The following DNMT3A variants were observed in gnomAD, a reference collection of about 807,000 sequenced individuals.
DNMT3A encodes DNA (cytosine-5)-methyltransferase 3A.
DNMT3A carries 267 observed loss-of-function variants against 117.6 expected under a neutral mutation model. That is an observed-to-expected ratio of 2.27 (90% CI 2.05 to 2.51). The LOEUF (loss-of-function observed/expected upper bound fraction) is 2.51, where lower values mean the gene tolerates loss of function less well. DNMT3A is among the 30% of genes most tolerant of loss of function. DNMT3A has a pLI of 0.00. For synonymous variants in DNMT3A, 432 were observed against 474.8 expected (o/e 0.91, Z 1.17); for missense variants, 1,029 against 1,260.2 (o/e 0.82, Z 2.78).
chr2:25,239,606 G>C (rs1031648624), intron 19 of DNMT3A: 1 of 499,850 alleles, frequency 2.0e-6, no homozygotes, highest in Non-Finnish European at 4.2e-6. Context: ...GCACAGTGCT[G>C]CTCTAGACTA....
intron 1 of DNMT3A, among the ~76,000 whole-genome samples, chr2:25,321,465 G>A (rs921351932): frequency 2.0e-5 from 3 of 152,174 alleles, no homozygotes; most frequent in Non-Finnish European, 4.4e-5. Context: ...AGATAATCCA[G>A]GATAATCCCC....
chr2:25,314,737 A>AGGCCAC (rs199757845), intron 1 of DNMT3A: 11 of 984,514 alleles, frequency 1.1e-5, no homozygotes, highest in African/African-American at 1.1e-4. Context: ...TAGGAGGGAG[A>AGGCCAC]GGCCACGGCC....
At chr2:25,238,327 T>C (rs923129043) in intron 20 of DNMT3A, among the ~76,000 whole-genome samples, 9 of 152,054 alleles carry the variant, frequency 5.9e-5, no homozygotes, top group Non-Finnish European at 7.4e-5. Context: ...TACAACCTCA[T>C]GGGAATAGCA....
In DNMT3A at chr2:25,282,586, T is replaced by A; in HGVS notation, c.303A>T (p.Pro101=). ...GCCCCCCAGCAGGGCTCCCCTCCTC[T>A]GGCTGGGGCTCACTCCGCTTCTCCA... ...GDLEKRSEPQ[P]EEGSPAGGQK... Residue 101 remains proline (P), a synonymous_variant, in exon 4 of 23, where the codon CCA becomes CCT. Transcript: ENST00000321117. The surrounding 1 kb of genome is among the most constrained non-coding windows in gnomAD (Gnocchi z 5.2). The A allele has an allele frequency of 6.2e-7, 1 of 1,613,650 alleles. No individual in the cohort carries two copies. The highest frequency in any genetic ancestry group is 8.5e-7 in the Non-Finnish European group (1 of 1,180,004).
At chr2:25,312,985 G>A (rs1030823980) in intron 2 of DNMT3A, among the ~76,000 whole-genome samples, 1 of 152,216 alleles carries the variant, frequency 6.6e-6, no homozygotes, top group African/African-American at 2.4e-5. Context: ...GCAGGCAGGG[G>A]GAACTGTGGA....
chr2:25,258,290 C>G (rs1222995795), intron 6 of DNMT3A, among the ~76,000 whole-genome samples: 1 of 152,240 alleles, frequency 6.6e-6, no homozygotes, highest in Non-Finnish European at 1.5e-5. Flanking sequence ...CGGCCCTGCC[C>G]CAGAACCTCC....
intron 1 of DNMT3A, among the ~76,000 whole-genome samples, chr2:25,325,967 G>A (rs557747312): frequency 6.6e-5 from 10 of 152,324 alleles, no homozygotes; most frequent in Admixed American, 2.6e-4. Flanking sequence ...ACCTGCTAAG[G>A]CTCTGGCTGA....
intron 22 of DNMT3A, among the ~76,000 whole-genome samples, chr2:25,235,483 C>T (rs1205199799): frequency 6.6e-6 from 1 of 152,154 alleles, no homozygotes; most frequent in Non-Finnish European, 1.5e-5. Flanking sequence ...CTGCTCCTGG[C>T]CCCTAGACTC....
intron 20 of DNMT3A, 54 bp downstream of exon 20, chr2:25,239,076 A>G: frequency 6.4e-7 from 1 of 1,554,004 alleles, no homozygotes; most frequent in Non-Finnish European, 8.8e-7. Flanking sequence ...ACTATGGGTC[A>G]TCCCACCTGC....
chr2:25,310,351 A>G (rs1243818619), intron 2 of DNMT3A, among the ~76,000 whole-genome samples: 7 of 107,558 alleles, frequency 6.5e-5, no homozygotes, highest in Non-Finnish European at 1.1e-4. Flanking sequence ...CCATGAGGCC[A>G]GCCCCCTCCC....
At chr2:25,239,640 C>T (rs1673754602) in intron 19 of DNMT3A, 30 of 471,482 alleles carry the variant, frequency 6.4e-5, no homozygotes, top group South Asian at 4.8e-4. Context: ...AGAGCCCAGG[C>T]TCCAGCGAGT....
rs1207709548 is a variant in DNMT3A at position 25,282,587 on chromosome 2, G to A, written c.302C>T (p.Pro101Leu). 5.0e-6 allele frequency: 8 copies of A among 1,613,528 alleles called. No individual in the cohort carries two copies. The highest frequency in any genetic ancestry group is 5.9e-6 in the Non-Finnish European group (7 of 1,180,024). The change falls in exon 4 of 23, where the codon CCA becomes CTA. Residue 101 changes from proline to leucine, a missense_variant. Coordinates refer to ENST00000321117, the MANE Select transcript of DNMT3A (RefSeq NM_022552.5). The surrounding 1 kb of genome is among the most constrained non-coding windows in gnomAD (Gnocchi z 5.2). ...GDLEKRSEPQ[P>L]EEGSPAGGQK... ...CCCCCCAGCAGGGCTCCCCTCCTCT[G>A]GCTGGGGCTCACTCCGCTTCTCCAA...
In DNMT3A at chr2:25,335,459, C is replaced by A. The variant is rs551559984; in HGVS notation, c.-178+6367G>T. On this transcript the variant is annotated intron_variant, in intron 1 of 22. Coordinates refer to ENST00000321117, the MANE Select transcript of DNMT3A (RefSeq NM_022552.5). Reference sequence around the variant, plus strand: ...AGGCCTCCTGCCCCCAGACCATGGCCGTTCCCAAGTATTCCCCAGGACACA... The same window carrying A: ...AGGCCTCCTGCCCCCAGACCATGGCAGTTCCCAAGTATTCCCCAGGACACA... Among the ~76,000 whole-genome samples, 4 of 152,252 alleles carry A rather than the reference C, an allele frequency of 2.6e-5. No individual in the cohort carries two copies. The East Asian group carries it at 7.7e-4, about 29-fold the overall frequency.
chr2:25,271,536 T>G lies in DNMT3A; in HGVS notation c.639+3405A>C, dbSNP rs190070270. 2.0e-5 allele frequency among the ~76,000 whole-genome samples: 3 copies of G among 152,312 alleles called. No individual in the cohort carries two copies. The South Asian group carries it at 6.2e-4, about 32-fold the overall frequency. On this transcript the variant is annotated intron_variant, in intron 6 of 22. Transcript: ENST00000321117. ...TGACAGTCAGGGCCTGGGCCCCACATTGGAATAGGAAACGTAAATTCTAAT... is the reference window on the plus strand; with the variant it reads ...TGACAGTCAGGGCCTGGGCCCCACAGTGGAATAGGAAACGTAAATTCTAAT...
At chr2:25,273,342 C>T (rs1422565111) in intron 6 of DNMT3A, among the ~76,000 whole-genome samples, 2 of 152,078 alleles carry the variant, frequency 1.3e-5, no homozygotes, top group Non-Finnish European at 2.9e-5. Flanking sequence ...GAACTCCTGA[C>T]CTCCTTTCAG....
At chr2:25,300,756 T>C (rs549485566) in intron 2 of DNMT3A, among the ~76,000 whole-genome samples, 17 of 65,146 alleles carry the variant, frequency 2.6e-4, no homozygotes, top group African/African-American at 1.0e-3. Flanking sequence ...TATATATATA[T>C]ATATATATAT....
At position 25,263,786 on chromosome 2, in the gene DNMT3A, CA is replaced by C; in HGVS notation, c.639+11154del. Among the ~76,000 whole-genome samples the C allele has an allele frequency of 3.9e-5, 6 of 152,340 alleles. 1 individual carries two copies. The highest frequency in any genetic ancestry group is 3.9e-4 in the Admixed American group (6 of 15,310). The stretch of plus-strand genomic sequence containing the variant: ...GACCACCTCCCTTAGGACCCCACTC[CA>C]TGCCCTTCCCCCACTGTCCCTGCCA... On this transcript the variant is annotated intron_variant, in intron 6 of 22. Transcript: ENST00000321117.
At chr2:25,307,622 C>T (rs1467521822) in intron 2 of DNMT3A, among the ~76,000 whole-genome samples, 2 of 152,116 alleles carry the variant, frequency 1.3e-5, no homozygotes, top group African/African-American at 2.4e-5. Flanking sequence ...CGCACCACCA[C>T]GCTGGGCTAA....
chr2:25,303,038 G>T (rs1417833724), intron 2 of DNMT3A, among the ~76,000 whole-genome samples: 1 of 152,166 alleles, frequency 6.6e-6, no homozygotes, highest in Admixed American at 6.5e-5. Flanking sequence ...CAAAGGGTCT[G>T]CCCCTTTGTC....
Sources: gnomAD v4.1 joint callset for allele counts (sites outside exome capture counted in the v4.1 genomes callset) on GRCh38, gnomAD v4.1.1 for gene constraint, Gnocchi (gnomAD v3.1) non-coding constraint, MANE v1.5 for transcripts, NCBI Gene and HGNC (gene_info 2026-07-23, HGNC 2026-07-21) for gene names.